Variants in ATXN8OS observed in about 807,000 individuals in gnomAD.
The protein encoded by ATXN8OS is ATXN8 opposite strand lncRNA, also known as ATXN8 opposite strand (non-protein coding).
intron 4 of ATXN8OS, among the ~76,000 whole-genome samples, chr13:70,152,931 C>T (rs1888889080): frequency 6.6e-6 from 1 of 150,400 alleles, no homozygotes; most frequent in Admixed American, 6.7e-5. Flanking sequence ...AACCAATAAC[C>T]ACATTTATAA....
chr13:70,124,313 A>G (rs1566595810), intron 2 of ATXN8OS, among the ~76,000 whole-genome samples: 1 of 151,244 alleles, frequency 6.6e-6, no homozygotes, highest in Non-Finnish European at 1.5e-5. Context: ...GGGAAAAGAT[A>G]CACAAGCAAA....
chr13:70,119,123 G>A (rs905763573), intron 2 of ATXN8OS, among the ~76,000 whole-genome samples: 3 of 152,032 alleles, frequency 2.0e-5, no homozygotes, highest in African/African-American at 7.2e-5. Flanking sequence ...GGATTGTAAA[G>A]TCTAACTAAC....
At chr13:70,152,274 T>G (rs1266296164) in intron 4 of ATXN8OS, among the ~76,000 whole-genome samples, 1 of 152,024 alleles carries the variant, frequency 6.6e-6, no homozygotes, top group Admixed American at 6.6e-5. Flanking sequence ...CCCATCTAAG[T>G]ACCCTATACT....
chr13:70,117,562 T>A (rs1888297754), intron 2 of ATXN8OS, among the ~76,000 whole-genome samples: 1 of 151,914 alleles, frequency 6.6e-6, no homozygotes, highest in Non-Finnish European at 1.5e-5. Flanking sequence ...ATGTGCATTA[T>A]TCCTCCTAGT....
chr13:70,115,188 A>C (rs1477294167), exon 2 of ATXN8OS: 1 of 398,356 alleles, frequency 2.5e-6, no homozygotes, highest in African/African-American at 2.1e-5. Context: ...ATTTGGTCTA[A>C]AGAGAATCTT....
At chr13:70,152,425 A>G (rs574749497) in intron 4 of ATXN8OS, among the ~76,000 whole-genome samples, 1 of 152,052 alleles carries the variant, frequency 6.6e-6, no homozygotes, top group East Asian at 1.9e-4. Flanking sequence ...ATATATACAC[A>G]TATGTACATA....
At chr13:70,156,809 TA>T (rs529709077) in intron 4 of ATXN8OS, among the ~76,000 whole-genome samples, 79 of 152,248 alleles carry the variant, frequency 5.2e-4, no homozygotes, top group Middle Eastern at 3.4e-3. Flanking sequence ...CAACTTTTTT[TA>T]ATTTGATTTA....
chr13:70,153,590 AAAT>A (rs1334305336), intron 4 of ATXN8OS, among the ~76,000 whole-genome samples: 1 of 152,126 alleles, frequency 6.6e-6, no homozygotes, highest in African/African-American at 2.4e-5. Flanking sequence ...AAATAAATAA[AAAT>A]AAACAATTCT....
intron 2 of ATXN8OS, among the ~76,000 whole-genome samples, chr13:70,120,489 C>G (rs1429512174): frequency 6.6e-6 from 1 of 152,092 alleles, no homozygotes; most frequent in Non-Finnish European, 1.5e-5. Flanking sequence ...TTGTTGGAGT[C>G]TATTCAGTCA....
chr13:70,129,106 T>G (rs1398448640), intron 2 of ATXN8OS, among the ~76,000 whole-genome samples: 1 of 152,090 alleles, frequency 6.6e-6, no homozygotes, highest in Admixed American at 6.6e-5. Flanking sequence ...ACGATCCACC[T>G]GCCTCGGCCT....
intron 4 of ATXN8OS, among the ~76,000 whole-genome samples, chr13:70,164,051 TA>T (rs1188676112): frequency 3.3e-3 from 10 of 3,052 alleles, no homozygotes; most frequent in East Asian, 0.018. Flanking sequence ...TGGAAGTTTT[TA>T]TTCTTATTAT....
chr13:70,169,497 T>C lies in ATXN8OS; in HGVS notation n.574-256T>C, dbSNP rs372491688. Among the ~76,000 whole-genome samples, 5 of 152,204 alleles carry C rather than the reference T, an allele frequency of 3.3e-5. No homozygotes were observed. In the East Asian group the frequency reaches 9.7e-4, roughly 29 times the overall value. On this transcript the variant is annotated intron_variant and non_coding_transcript_variant, in intron 4 of 4. Coordinates refer to ENST00000678624, the Ensembl canonical transcript of ATXN8OS. ...TTTTTGTAGAGACGGGGTTTCACCA[T>C]GTTAGCCAGGCTGGTCTCAAACTGC...
In ATXN8OS at chr13:70,139,380, ACTACTGCTGCTG is replaced by A. The variant is rs1413597079; in HGVS notation, n.500-7972_500-7961del. 1,862 of 576,370 alleles carry A rather than the reference ACTACTGCTGCTG, an allele frequency of 3.2e-3. 4 individuals carry two copies. Among genetic ancestry groups the A allele is most frequent in the Admixed American group, 6.4e-3 (255 of 39,816 alleles). 35.7% of individuals were successfully genotyped at this position (576,370 alleles called of 1,614,324 possible). A position where few individuals can be genotyped will look rare whatever the true frequency, so the allele number is the denominator to read the frequency against. Reference sequence around the variant, plus strand: ...TACTACTACTACTACTACTACTACTACTACTGCTGCTGCTGCTGCTGCTGCTGCTGCTGCTGC... The same window carrying A: ...TACTACTACTACTACTACTACTACTACTGCTGCTGCTGCTGCTGCTGCTGC... On this transcript the variant is annotated intron_variant and non_coding_transcript_variant, in intron 3 of 4. Coordinates refer to ENST00000678624, the Ensembl canonical transcript of ATXN8OS.
intron 4 of ATXN8OS, among the ~76,000 whole-genome samples, chr13:70,157,503 ACT>A (rs1265683262): frequency 5.6e-5 from 6 of 106,206 alleles, no homozygotes; most frequent in Admixed American, 4.8e-4. Context: ...GACTCACATG[ACT>A]AAGATATCCA....
exon 5 of ATXN8OS, among the ~76,000 whole-genome samples, chr13:70,171,464 T>C (rs1889143636): frequency 6.6e-6 from 1 of 152,100 alleles, no homozygotes; most frequent in African/African-American, 2.4e-5. Context: ...CCTAGGATAA[T>C]TGTGTACATT....
intron 2 of ATXN8OS, among the ~76,000 whole-genome samples, chr13:70,125,339 A>G (rs558024391): frequency 1.3e-5 from 2 of 152,290 alleles, no homozygotes; most frequent in South Asian, 4.1e-4. Context: ...ATTTTGAAGA[A>G]AATCCCAGAA....
chr13:70,169,450 C>T (rs1374131934), intron 4 of ATXN8OS, among the ~76,000 whole-genome samples: 1 of 151,966 alleles, frequency 6.6e-6, no homozygotes, highest in Non-Finnish European at 1.5e-5. Context: ...GCTCCTGCCA[C>T]CGCCCCCAGT....
exon 5 of ATXN8OS, among the ~76,000 whole-genome samples, chr13:70,169,964 C>T (rs1180621640): frequency 1.3e-5 from 2 of 152,116 alleles, no homozygotes; most frequent in African/African-American, 4.8e-5. Flanking sequence ...GACTTTCTTT[C>T]ATGCCTTTAC....
At chr13:70,107,892 G>A (rs2137463831) in exon 1 of ATXN8OS, 2 of 532,998 alleles carry the variant, frequency 3.8e-6, no homozygotes, top group South Asian at 3.1e-5. Flanking sequence ...AAAGCCGCGC[G>A]TTTCAGCCGT....
Sources: allele counts gnomAD v4.1 joint callset (sites outside exome capture counted in the v4.1 genomes callset), GRCh38; gene constraint gnomAD v4.1.1; transcripts MANE v1.5; gene names NCBI Gene and HGNC (gene_info 2026-07-23, HGNC 2026-07-21).